The following EXD3 variants were observed in gnomAD, a reference collection of about 807,000 sequenced individuals.
EXD3 encodes exonuclease 3'-5' domain containing 3, also known as exonuclease mut-7 homolog.
Under a neutral mutation model 98.0 loss-of-function variants are expected in EXD3, and 92 were observed. The ratio of observed to expected loss-of-function variants is 0.94; its 90% CI spans 0.79 to 1.12. The LOEUF is 1.12. EXD3 is among the 50% of genes most tolerant of loss of function. The probability of loss-of-function intolerance (pLI) is 0.00; values close to 1 mark genes in which losing one functional copy is unlikely to be tolerated. For synonymous variants in EXD3, 569 were observed against 526.0 expected (o/e 1.08, Z -1.12); for missense variants, 1,222 against 1,191.6 (o/e 1.03, Z -0.38).
intron 3 of EXD3, among the ~76,000 whole-genome samples, chr9:137,378,745 A>C (rs774317592): frequency 2.0e-5 from 3 of 152,264 alleles, no homozygotes; most frequent in Non-Finnish European, 2.9e-5. Context: ...AAGTCACAAA[A>C]GACCCCATGT....
intron 8 of EXD3, among the ~76,000 whole-genome samples, chr9:137,355,668 A>AAAGGAGG (rs1834707244): frequency 1.2e-4 from 1 of 8,056 alleles, no homozygotes; most frequent in Non-Finnish European, 2.4e-4. Context: ...GAGGAAGGAG[A>AAAGGAGG]AAGGGAGGAT....
intron 2 of EXD3, chr9:137,392,026 G>A (rs11497286): frequency 0.47 from 71,805 of 151,562 alleles, 17,144 homozygotes; most frequent in Middle Eastern, 0.56. Context: ...GTAGAGACGG[G>A]GTTTCACCAT....
chr9:137,349,176 T>C lies in EXD3; in HGVS notation c.1764A>G (p.Arg588=). 1 of 1,593,946 alleles carries C rather than the reference T, an allele frequency of 6.3e-7. No homozygotes were observed. Among genetic ancestry groups the C allele is most frequent in the Non-Finnish European group, 8.5e-7 (1 of 1,176,114 alleles). ...GTGGCTTCCGTGCCCCTGGTCTCTC[T>C]CTGTGCCTGGGCCTCCGGCTCCCAG... ...DLAGSRRPRH[R]ERPGARKPPG... is the part of the protein sequence containing the mutation. Residue 588 remains arginine, a synonymous_variant, in exon 16 of 22, where the codon AGA becomes AGG. Coordinates refer to ENST00000340951, the MANE Select transcript of EXD3 (RefSeq NM_017820.5). The surrounding 1 kb of genome is among the most constrained non-coding windows in gnomAD (Gnocchi z 7.4).
At chr9:137,415,740 G>A (rs1013829940) in intron 1 of EXD3, among the ~76,000 whole-genome samples, 1 of 152,204 alleles carries the variant, frequency 6.6e-6, no homozygotes, top group Non-Finnish European at 1.5e-5. Context: ...CATCAAGGGT[G>A]GGCTTTCCCA....
intron 10 of EXD3, chr9:137,354,089 C>T (rs951729571): frequency 9.0e-5 from 113 of 1,252,740 alleles, no homozygotes; most frequent in African/African-American, 6.9e-4. Context: ...TCGGGTGGCA[C>T]GGACGCTGCC....
chr9:137,349,337 G>A lies in EXD3; in HGVS notation c.1657+32C>T. The A allele has an allele frequency of 6.4e-7, 1 of 1,555,738 alleles. No homozygotes were observed. The highest frequency in any genetic ancestry group is 8.7e-7 in the Non-Finnish European group (1 of 1,155,766). On this transcript the variant is annotated intron_variant, in intron 15 of 21. Coordinates refer to ENST00000340951, the MANE Select transcript of EXD3 (RefSeq NM_017820.5). This position sits in a 1 kb window ranked among gnomAD's most constrained non-coding sequence, Gnocchi z 7.4. ...GGACAGAGGGCGGGAGGGGCGTGAGGAGGGGTCACTCCCACCCGCCGCACC... is the reference window on the plus strand; with the variant it reads ...GGACAGAGGGCGGGAGGGGCGTGAGAAGGGGTCACTCCCACCCGCCGCACC...
rs79722133 is a variant in EXD3 at position 137,352,154 on chromosome 9, C to T, written c.1085G>A (p.Arg362His). The change falls in exon 12 of 22, where the codon CGT (arginine) becomes CAT (histidine). Residue 362 changes from arginine to histidine, a missense_variant. Physicochemically the swap from Arg to His is conservative, Grantham distance 29. Coordinates refer to ENST00000340951, the MANE Select transcript of EXD3 (RefSeq NM_017820.5). ...CCTGGGGATGGGCAGCTGGTAGTAA[C>T]GGTCCTTCATGTCCTTCACCTCCAG... ...SRLEVKDMKD[R>H]YYQLPIPREN... 1,325 of 1,612,876 alleles carry T rather than the reference C, an allele frequency of 8.2e-4. 2 individuals carry two copies. The highest frequency in any genetic ancestry group is 1.1e-3 in the African/African-American group (84 of 75,054).
chr9:137,409,384 C>A (rs1837887142), intron 1 of EXD3, among the ~76,000 whole-genome samples: 1 of 152,228 alleles, frequency 6.6e-6, no homozygotes, highest in Admixed American at 6.5e-5. Context: ...AATTCCTTTT[C>A]TTTATAAATT....
In EXD3 at chr9:137,407,519, C is replaced by T. The variant is rs756682708; in HGVS notation, c.-47-12115G>A. Among the ~76,000 whole-genome samples the T allele has an allele frequency of 6.6e-6, 1 of 152,206 alleles. No homozygotes were observed. The highest frequency in any genetic ancestry group is 2.4e-5 in the African/African-American group (1 of 41,460). Reference sequence around the variant, plus strand: ...CCCTGCCAGCCCCACAACCCAGAACCCAGCGTCCCCGCCCCCATCTCCCGG... The same window carrying T: ...CCCTGCCAGCCCCACAACCCAGAACTCAGCGTCCCCGCCCCCATCTCCCGG... On this transcript the variant is annotated intron_variant, in intron 1 of 21. Coordinates refer to ENST00000340951, the MANE Select transcript of EXD3 (RefSeq NM_017820.5). The surrounding 1 kb of genome is among the most constrained non-coding windows in gnomAD (Gnocchi z 4.4).
At chr9:137,372,178 C>T (rs566045266) in intron 5 of EXD3, among the ~76,000 whole-genome samples, 11 of 152,286 alleles carry the variant, frequency 7.2e-5, no homozygotes, top group South Asian at 4.1e-4. Context: ...GGCCCGGGAC[C>T]GAAAGGGACC....
At chr9:137,386,304 C>T (rs1223128796) in intron 2 of EXD3, among the ~76,000 whole-genome samples, 1 of 152,044 alleles carries the variant, frequency 6.6e-6, no homozygotes, top group African/African-American at 2.4e-5. Context: ...TCAATCCATC[C>T]ATCAATAAGC....
At chr9:137,330,472 AAGGAGCTACAC>A (rs1202237214) in intron 17 of EXD3, among the ~76,000 whole-genome samples, 1,087 of 84,646 alleles carry the variant, frequency 0.013, 48 homozygotes, top group African/African-American at 0.041. Flanking sequence ...CAGGACTACA[AAGGAGCTACAC>A]AGGAGCTACA....
At chr9:137,338,648 A>G in intron 17 of EXD3, among the ~76,000 whole-genome samples, 1 of 151,164 alleles carries the variant, frequency 6.6e-6, no homozygotes, top group Admixed American at 6.6e-5. Flanking sequence ...GCACTTTGGG[A>G]GGCTGAGGAG....
At chr9:137,364,266 G>T (rs1040950023) in intron 7 of EXD3, among the ~76,000 whole-genome samples, 2 of 152,126 alleles carry the variant, frequency 1.3e-5, no homozygotes, top group African/African-American at 4.8e-5. Context: ...TCATGCTCAT[G>T]GCTATGGGGT....
At chr9:137,400,553 G>T (rs1436722150) in intron 1 of EXD3, among the ~76,000 whole-genome samples, 1 of 152,184 alleles carries the variant, frequency 6.6e-6, no homozygotes, top group African/African-American at 2.4e-5. Flanking sequence ...ATCACCTGAG[G>T]TCGGGAGTTT....
At chr9:137,389,677 G>C (rs772024392) in intron 2 of EXD3, among the ~76,000 whole-genome samples, 89 of 152,030 alleles carry the variant, frequency 5.9e-4, no homozygotes, top group Non-Finnish European at 9.0e-4. Context: ...AGTGAGACCA[G>C]CAAGGAGCTG....
At chr9:137,353,340 G>C in intron 10 of EXD3, 1 of 985,338 alleles carries the variant, frequency 1.0e-6, no homozygotes, top group African/African-American at 1.7e-5. Context: ...CCCCCACCCC[G>C]GGTCCCAGGA....
intron 11 of EXD3, 48 bp downstream of exon 11, chr9:137,352,572 C>A: frequency 6.7e-7 from 1 of 1,483,906 alleles, no homozygotes; most frequent in Non-Finnish European, 9.0e-7. Flanking sequence ...GTAGGGGCCA[C>A]CCTGGGCGGA....
At chr9:137,414,278 C>G (rs936473598) in intron 1 of EXD3, among the ~76,000 whole-genome samples, 1 of 152,228 alleles carries the variant, frequency 6.6e-6, no homozygotes, top group Non-Finnish European at 1.5e-5. Flanking sequence ...AAACTCATCC[C>G]TGCAGCAGCA....
Sources: gnomAD v4.1 joint callset for allele counts (sites outside exome capture counted in the v4.1 genomes callset) on GRCh38, gnomAD v4.1.1 for gene constraint, Gnocchi (gnomAD v3.1) non-coding constraint, MANE v1.5 for transcripts, NCBI Gene and HGNC (gene_info 2026-07-23, HGNC 2026-07-21) for gene names.